LAMC3: variants seen among roughly 807,000 people sequenced by gnomAD.
LAMC3 encodes the protein laminin subunit gamma 3.
A neutral mutation model predicts 173.8 loss-of-function variants in LAMC3; 128 were observed. That is an observed-to-expected ratio of 0.74 (90% CI 0.64 to 0.85). The LOEUF is 0.85. Ranked by LOEUF, LAMC3 falls within the 40% of genes least tolerant of loss-of-function variation. The pLI is 0.00. For missense variants in LAMC3, 2,022 were observed against 2,156.0 expected (o/e 0.94, Z 1.23); for synonymous variants, 897 against 909.1 (o/e 0.99, Z 0.24).
At chr9:131,015,812 C>T (rs1833510292) in intron 1 of LAMC3, among the ~76,000 whole-genome samples, 1 of 152,204 alleles carries the variant, frequency 6.6e-6, no homozygotes, top group African/African-American at 2.4e-5. Flanking sequence ...CCTGCCACCA[C>T]ACCCAGCTAA....
intron 8 of LAMC3, among the ~76,000 whole-genome samples, chr9:131,047,404 T>C (rs1190245387): frequency 6.6e-6 from 1 of 151,032 alleles, no homozygotes; most frequent in Admixed American, 6.6e-5. Context: ...TGACCTCAAC[T>C]GATCCACCCT....
In LAMC3 at chr9:131,039,159, A is replaced by T; in HGVS notation, c.1194A>T (p.Thr398=). The T allele has an allele frequency of 6.2e-7, 1 of 1,611,172 alleles. No individual in the cohort carries two copies. The highest frequency in any genetic ancestry group is 1.1e-5 in the South Asian group (1 of 91,076). Residue 398 remains threonine (T), a synonymous_variant, in exon 6 of 28, where the codon ACA becomes ACT. Coordinates refer to ENST00000361069, the MANE Select transcript of LAMC3 (RefSeq NM_006059.4). ...AGSLHLQCDD[T]GTCACKPTVT... Reference sequence around the variant, plus strand: ...CCCTACACCTCCAGTGCGATGACACAGGCACCTGCGCCTGCAAGCCCACGG... The same window carrying T: ...CCCTACACCTCCAGTGCGATGACACTGGCACCTGCGCCTGCAAGCCCACGG...
intron 23 of LAMC3, among the ~76,000 whole-genome samples, chr9:131,080,613 C>T (rs553216269): frequency 3.3e-5 from 5 of 152,214 alleles, no homozygotes; most frequent in African/African-American, 1.2e-4. Context: ...GATAAGGGGG[C>T]TGTCTGTGAG....
rs114611926 is a variant in LAMC3 at position 131,072,860 on chromosome 9, G to T, written c.3417+25G>T. 2,058 of 1,594,688 alleles carry T rather than the reference G, an allele frequency of 1.3e-3. 18 individuals are homozygous for T. In the African/African-American group the frequency reaches 0.025, roughly 19 times the overall value. ...GGTATCCCAGGGGACCCCCCTACCC[G>T]AACACACCAAACCTGGGCATTGGTC... On this transcript the variant is annotated intron_variant, in intron 19 of 27. Transcript: ENST00000361069.
rs1413131733 is a variant in LAMC3 at position 131,061,096 on chromosome 9, C to T, written c.2220C>T (p.Phe740=). ...GPSCERCLPG[F]YGNPFAGQAD... ...CCTGTGAACGCTGTTTGCCAGGTTT[C>T]TATGGCAACCCTTTCGCGGGCCAAG... The change falls in exon 13 of 28, where the codon TTC becomes TTT. Residue 740 remains phenylalanine (F), a synonymous_variant. Coordinates refer to ENST00000361069, the MANE Select transcript of LAMC3 (RefSeq NM_006059.4). 2 of 1,614,158 alleles carry T rather than the reference C, an allele frequency of 1.2e-6. No individual in the cohort carries two copies. The highest frequency in any genetic ancestry group is 1.7e-6 in the Non-Finnish European group (2 of 1,180,028).
At chr9:131,088,345 G>A (rs1830364768) in intron 27 of LAMC3, among the ~76,000 whole-genome samples, 1 of 152,142 alleles carries the variant, frequency 6.6e-6, no homozygotes, top group Admixed American at 6.5e-5. Context: ...CAGTGGGGTG[G>A]TTTAGAAAGC....
chr9:131,082,271 G>T (rs1327611969), intron 24 of LAMC3, 110 bp downstream of exon 24: 2 of 801,792 alleles, frequency 2.5e-6, no homozygotes, highest in Non-Finnish European at 4.3e-6. Context: ...GTCTGGTCTT[G>T]TGGGCTTAAT....
chr9:131,037,335 G>A (rs576149388), intron 4 of LAMC3, among the ~76,000 whole-genome samples: 103 of 152,248 alleles, frequency 6.8e-4, no homozygotes, highest in African/African-American at 2.0e-3. Flanking sequence ...ACCCTCACCC[G>A]CAGCTGAGAC....
chr9:131,028,589 C>G (rs1334573143), intron 2 of LAMC3, among the ~76,000 whole-genome samples: 1 of 152,184 alleles, frequency 6.6e-6, no homozygotes, highest in Non-Finnish European at 1.5e-5. Context: ...TATAAGGACT[C>G]ACGGAACTCA....
At position 131,073,369 on chromosome 9, in the gene LAMC3, G is replaced by T. The variant is rs759597286; in HGVS notation, c.3494+48G>T. On this transcript the variant is annotated intron_variant, in intron 20 of 27. Transcript: ENST00000361069. ...CTTACACCTGGCCCTTCTCCTGGGG[G>T]TTCCAGGGTCAGAGTCAGCCCCACA... The T allele has an allele frequency of 2.8e-6, 4 of 1,448,186 alleles. No individual in the cohort carries two copies. In the African/African-American group the frequency reaches 4.2e-5, roughly 15 times the overall value. The allele number at this position is 1,448,186 out of a possible 1,614,324, so 89.7% of individuals were successfully genotyped here. A position where few individuals can be genotyped will look rare whatever the true frequency, so the allele number is the denominator to read the frequency against.
Position 131,009,722 on chromosome 9 carries a change from G to T in LAMC3, c.373+135G>T. The T allele has an allele frequency of 9.0e-7, 1 of 1,115,580 alleles. No individual in the cohort carries two copies. Among genetic ancestry groups the T allele is most frequent in the Non-Finnish European group, 1.3e-6 (1 of 788,050 alleles). 69.1% of individuals were successfully genotyped at this position (1,115,580 alleles called of 1,614,324 possible). On this transcript the variant is annotated intron_variant, in intron 1 of 27. Coordinates refer to ENST00000361069, the MANE Select transcript of LAMC3 (RefSeq NM_006059.4). The surrounding 1 kb of genome is among the most constrained non-coding windows in gnomAD (Gnocchi z 4.3). ...ATATGGTGTTGGATGGAGGGGCTCA[G>T]AAATAGGAATTAGGCTGGGTGCGGT... is the stretch of plus-strand genomic sequence containing the variant.
Position 131,038,335 on chromosome 9 carries a change from C to T in LAMC3, c.977-529C>T, listed in dbSNP as rs146227343. 1.3e-3 allele frequency among the ~76,000 whole-genome samples: 203 copies of T among 152,316 alleles called. 2 individuals are homozygous for T. Among genetic ancestry groups the T allele is most frequent in the African/African-American group, 4.3e-3 (177 of 41,574 alleles). On this transcript the variant is annotated intron_variant, in intron 4 of 27. Transcript: ENST00000361069. ...CGAGGGCGGCAGGTGTAAATGGGTCCGCACCTTTCATGGATCCACCCCTGA... is the reference window on the plus strand; with the variant it reads ...CGAGGGCGGCAGGTGTAAATGGGTCTGCACCTTTCATGGATCCACCCCTGA...
At chr9:131,060,645 CTAATAATAA>C (rs10597678) in intron 12 of LAMC3, among the ~76,000 whole-genome samples, 41 of 150,106 alleles carry the variant, frequency 2.7e-4, no homozygotes, top group African/African-American at 7.3e-4. Flanking sequence ...TCTGTCTCAA[CTAATAATAA>C]TAATAATAAT....
intron 11 of LAMC3, among the ~76,000 whole-genome samples, chr9:131,055,940 G>A (rs548557396): frequency 1.3e-5 from 2 of 152,164 alleles, no homozygotes; most frequent in East Asian, 3.9e-4. Flanking sequence ...GCTCAAGCCT[G>A]TAATTCCAGC....
Position 131,052,883 on chromosome 9 carries a change from A to C in LAMC3, c.1857A>C (p.Pro619=), listed in dbSNP as rs1345237398. ...AGACCTCCGAGGACGTGGCCCCTCC[A>C]CTGCCCCCCTTCCACTTCCAGCGGC... ...LQETSEDVAP[P]LPPFHFQRLL... The change falls in exon 11 of 28, where the codon CCA becomes CCC. Residue 619 remains proline, a synonymous_variant. Coordinates refer to ENST00000361069, the MANE Select transcript of LAMC3 (RefSeq NM_006059.4). The C allele has an allele frequency of 6.2e-7, 1 of 1,600,470 alleles. No individual in the cohort carries two copies. Among genetic ancestry groups the C allele is most frequent in the African/African-American group, 1.4e-5 (1 of 70,884 alleles).
chr9:131,036,027 C>T (rs1396999950), intron 3 of LAMC3, 139 bp from the exon 4 acceptor site: 1 of 863,430 alleles, frequency 1.2e-6, no homozygotes, highest in Non-Finnish European at 2.0e-6. Context: ...CCCCAGGGCA[C>T]ATAGTAGGTG....
chr9:131,015,658 T>A (rs888817694), intron 1 of LAMC3, among the ~76,000 whole-genome samples: 2 of 152,162 alleles, frequency 1.3e-5, no homozygotes, highest in African/African-American at 4.8e-5. Flanking sequence ...CATTTTCTTT[T>A]CTTTTTTATT....
At chr9:131,042,214 G>A (rs140999493) in intron 7 of LAMC3, among the ~76,000 whole-genome samples, 2 of 147,480 alleles carry the variant, frequency 1.4e-5, no homozygotes, top group East Asian at 2.1e-4. Flanking sequence ...TATTATCAAC[G>A]CTCCCCTTTC....
In LAMC3 at chr9:131,024,307, G is replaced by A. The variant is rs532390073; in HGVS notation, c.374-1978G>A. On this transcript the variant is annotated intron_variant, in intron 1 of 27. Transcript: ENST00000361069. ...ATTACAGGCGCCCACCACCACACCT[G>A]GCTAATTTTTTTATTTTTAGTAGAG... Among the ~76,000 whole-genome samples the A allele has an allele frequency of 2.9e-3, 434 of 151,936 alleles. 5 individuals carry two copies. Among genetic ancestry groups the A allele is most frequent in the African/African-American group, 9.9e-3 (412 of 41,422 alleles).
Sources: gnomAD v4.1 joint callset for allele counts (sites outside exome capture counted in the v4.1 genomes callset) on GRCh38, gnomAD v4.1.1 for gene constraint, Gnocchi (gnomAD v3.1) non-coding constraint, MANE v1.5 for transcripts, NCBI Gene and HGNC (gene_info 2026-07-23, HGNC 2026-07-21) for gene names.